The following TXN variants were observed in gnomAD, a reference collection of about 807,000 sequenced individuals.
TXN encodes thioredoxin, also known as ADF.
TXN carries 10 observed loss-of-function variants against 16.5 expected under a neutral mutation model. The observed-to-expected ratio is 0.61, with a 90% CI of 0.37 to 1.03. The LOEUF (loss-of-function observed/expected upper bound fraction) is 1.03. TXN is among the 50% of genes least tolerant of loss of function. The pLI, the probability that TXN is intolerant of heterozygous loss-of-function variation, is 0.01. For missense variants in TXN, 71 were observed against 122.5 expected (o/e 0.58, Z 1.98); for synonymous variants, 35 against 39.4 (o/e 0.89, Z 0.42).
In TXN at chr9:110,245,636, A is replaced by G. The variant is rs1419290216; in HGVS notation, c.190-793T>C. On this transcript the variant is annotated intron_variant, in intron 3 of 4. Transcript: ENST00000374517. ...ACACACACTATATATATATATATAT[A>G]TATATATATATATATATATTTTTTT... is the stretch of plus-strand genomic sequence containing the variant. Among the ~76,000 whole-genome samples the G allele has an allele frequency of 4.3e-4, 11 of 25,612 alleles. 1 individual carries two copies. The highest frequency in any genetic ancestry group is 8.9e-4 in the Admixed American group (2 of 2,252). 16.8% of individuals were successfully genotyped at this position (25,612 alleles called of 152,430 possible). A position where few individuals can be genotyped will look rare whatever the true frequency, so the allele number is the denominator to read the frequency against.
intron 3 of TXN, among the ~76,000 whole-genome samples, chr9:110,250,064 G>C (rs549917468): frequency 4.6e-5 from 7 of 152,372 alleles, no homozygotes; most frequent in Admixed American, 1.3e-4. Context: ...CCACAAGACA[G>C]AGCATCCTCC....
Position 110,247,660 on chromosome 9 carries a change from A to G in TXN, c.190-2817T>C, listed in dbSNP as rs183103448. Among the ~76,000 whole-genome samples the G allele has an allele frequency of 3.3e-5, 5 of 152,332 alleles. No homozygotes were observed. In the East Asian group the frequency reaches 9.6e-4, roughly 29 times the overall value. On this transcript the variant is annotated intron_variant, in intron 3 of 4. Coordinates refer to ENST00000374517, the MANE Select transcript of TXN (RefSeq NM_003329.4). ...TTTTGTTCCTTTACTTTCTTAATAAACTTGCTTTCACTTAAAAAAGCATAT... is the reference window on the plus strand; with the variant it reads ...TTTTGTTCCTTTACTTTCTTAATAAGCTTGCTTTCACTTAAAAAAGCATAT...
Position 110,245,639 on chromosome 9 carries a change from TATATATATATA to T in TXN, c.190-807_190-797del, listed in dbSNP as rs1238383401. Among the ~76,000 whole-genome samples, 11 of 30,638 alleles carry T rather than the reference TATATATATATA, an allele frequency of 3.6e-4. 1 individual carries two copies. The highest frequency in any genetic ancestry group is 1.6e-3 in the African/African-American group (11 of 6,712). The allele number at this position is 30,638 out of a possible 152,430, so 20.1% of individuals were successfully genotyped here. ...CACACTATATATATATATATATATA[TATATATATATA>T]TATATTTTTTTTTTTTTTTTTTTAT... On this transcript the variant is annotated intron_variant, in intron 3 of 4. Coordinates refer to ENST00000374517, the MANE Select transcript of TXN (RefSeq NM_003329.4).
Position 110,256,239 on chromosome 9 carries a change from G to A in TXN, c.24+173C>T, listed in dbSNP as rs1476317187. On this transcript the variant is annotated intron_variant, in intron 1 of 4. Coordinates refer to ENST00000374517, the MANE Select transcript of TXN (RefSeq NM_003329.4). The surrounding 1 kb of genome is among the most constrained non-coding windows in gnomAD (Gnocchi z 4.2). Reference sequence around the variant, plus strand: ...GCTCCACCGCCTCGGGCGCGCCCAGGCCGCTGCTTCCCGCAGTCCCAGGCC... The same window carrying A: ...GCTCCACCGCCTCGGGCGCGCCCAGACCGCTGCTTCCCGCAGTCCCAGGCC... Among the ~76,000 whole-genome samples the A allele has an allele frequency of 2.6e-5, 4 of 151,616 alleles. No homozygotes were observed. Among genetic ancestry groups the A allele is most frequent in the African/African-American group, 9.7e-5 (4 of 41,278 alleles).
chr9:110,251,586 C>G, intron 1 of TXN, 124 bp from the exon 2 acceptor site: 1 of 54,208 alleles, frequency 1.8e-5, no homozygotes. Flanking sequence ...ACTTTTTAGC[C>G]AAAAAAAAAA....
chr9:110,245,817 T>A (rs1401607718), intron 3 of TXN, among the ~76,000 whole-genome samples: 1 of 151,076 alleles, frequency 6.6e-6, no homozygotes, highest in Admixed American at 6.6e-5. Flanking sequence ...AATTAAAAAC[T>A]GATTTGTGAG....
intron 1 of TXN, among the ~76,000 whole-genome samples, chr9:110,255,137 C>G (rs1837788671): frequency 6.6e-6 from 1 of 152,184 alleles, no homozygotes; most frequent in Admixed American, 6.5e-5. Context: ...ACATTGCAGA[C>G]ACACTTCTGT....
chr9:110,249,269 G>A (rs7864667), intron 3 of TXN, among the ~76,000 whole-genome samples: 106,200 of 150,278 alleles, frequency 0.71, 37,877 homozygotes, highest in East Asian at 0.98. Context: ...TAAAACAAGG[G>A]ATAAGGATTT....
intron 3 of TXN, among the ~76,000 whole-genome samples, chr9:110,247,924 C>T (rs777997093): frequency 1.3e-5 from 2 of 152,080 alleles, no homozygotes; most frequent in Admixed American, 1.3e-4. Flanking sequence ...TTCTGTGAGA[C>T]AAGATGTGGG....
chr9:110,244,747 A>G, intron 4 of TXN, 31 bp downstream of exon 4: 1 of 1,581,410 alleles, frequency 6.3e-7, no homozygotes, highest in Non-Finnish European at 8.7e-7. Context: ...CCTATTGCCC[A>G]GTTAGAGTTT....
intron 1 of TXN, among the ~76,000 whole-genome samples, chr9:110,254,671 A>C (rs1837782912): frequency 6.6e-6 from 1 of 152,150 alleles, no homozygotes; most frequent in African/African-American, 2.4e-5. Flanking sequence ...ACCCTTGTAC[A>C]CCTTTGTCAC....
chr9:110,255,867 C>G (rs1423619330), intron 1 of TXN, among the ~76,000 whole-genome samples: 1 of 152,226 alleles, frequency 6.6e-6, no homozygotes, highest in Non-Finnish European at 1.5e-5. Flanking sequence ...GATCACTACC[C>G]CCGCTGCGGG....
chr9:110,251,286 C>A, intron 2 of TXN, 72 bp downstream of exon 2: 2 of 1,166,074 alleles, frequency 1.7e-6, no homozygotes, highest in East Asian at 4.7e-5. Context: ...AACTGTCTTT[C>A]TTTCCTACCA....
intron 4 of TXN, among the ~76,000 whole-genome samples, 182 bp from the exon 5 acceptor site, chr9:110,244,401 C>G (rs1458723280): frequency 7.9e-6 from 1 of 126,786 alleles, no homozygotes; most frequent in Non-Finnish European, 1.8e-5. Context: ...GAAGTATAAT[C>G]TTATTTAAAG....
At chr9:110,248,090 A>G (rs1486456987) in intron 3 of TXN, among the ~76,000 whole-genome samples, 1 of 152,230 alleles carries the variant, frequency 6.6e-6, no homozygotes, top group Non-Finnish European at 1.5e-5. Flanking sequence ...GAGCTGTACA[A>G]TGCATTCGTG....
chr9:110,247,099 G>C (rs541177786), intron 3 of TXN, among the ~76,000 whole-genome samples: 1 of 152,290 alleles, frequency 6.6e-6, no homozygotes, highest in African/African-American at 2.4e-5. Context: ...AAGACGGGTG[G>C]ATCACTTGAG....
At chr9:110,244,750 TAG>T (rs751046448) in intron 4 of TXN, 26 bp downstream of exon 4, 7 of 1,592,092 alleles carry the variant, frequency 4.4e-6, no homozygotes, top group African/African-American at 4.0e-5. Context: ...ATTGCCCAGT[TAG>T]AGTTTTAAAG....
chr9:110,244,826 A>C lies in TXN; in HGVS notation c.207T>G (p.Cys69Trp). The C allele has an allele frequency of 6.2e-7, 1 of 1,613,060 alleles. No homozygotes were observed. The highest frequency in any genetic ancestry group is 1.1e-5 in the South Asian group (1 of 91,072). The change falls in exon 4 of 5, where the codon TGT (cysteine) becomes TGG (tryptophan). Residue 69 changes from cysteine (C) to tryptophan (W), a missense_variant. Cys to Trp is a radical substitution (Grantham distance 215, BLOSUM62 -2). Transcript: ENST00000374517. ...GGAATGTTGGCATGCATTTGACTTC[A>C]CACTCTGAAGCAACATCCTGGTAGG... ...VDDCQDVASE[C>W]EVKCMPTFQF...
intron 3 of TXN, 127 bp from the exon 4 acceptor site, chr9:110,244,970 TTTCAGCATA>T: frequency 1.6e-6 from 1 of 609,852 alleles, no homozygotes; most frequent in Non-Finnish European, 3.0e-6. Flanking sequence ...TGAGGACATT[TTTCAGCATA>T]TGAAAATTAA....
Sources: gnomAD v4.1 joint callset for allele counts (sites outside exome capture counted in the v4.1 genomes callset) on GRCh38, gnomAD v4.1.1 for gene constraint, Gnocchi (gnomAD v3.1) non-coding constraint, MANE v1.5 for transcripts, NCBI Gene and HGNC (gene_info 2026-07-23, HGNC 2026-07-21) for gene names.